FGF13: variants seen among roughly 807,000 people sequenced by gnomAD.
FGF13 encodes the protein fibroblast growth factor homologous factor 2.
In FGF13, 2 loss-of-function variants were observed where a neutral mutation model predicts 19.5. The observed-to-expected ratio is 0.10, with a 90% CI of 0.04 to 0.32. The LOEUF is 0.32. Among genes scored for constraint, FGF13 ranks in the 10% least tolerant of loss-of-function variants. The probability of loss-of-function intolerance (pLI) is 1.00; values close to 1 mark genes in which losing one functional copy is unlikely to be tolerated. For synonymous variants in FGF13, 72 were observed against 76.9 expected (o/e 0.94, Z 0.33); for missense variants, 113 against 192.7 (o/e 0.59, Z 2.45).
chrX:138,776,014 T>C (rs1379736044), intron 3 of FGF13, among the ~76,000 whole-genome samples: 2 of 112,615 alleles, frequency 1.8e-5, no homozygotes, highest in African/African-American at 3.2e-5. Flanking sequence ...GCATACAACA[T>C]AGCAAAATGT....
chrX:138,799,241 G>A (rs1218446581), intron 3 of FGF13, among the ~76,000 whole-genome samples: 2 of 111,916 alleles, frequency 1.8e-5, no homozygotes, highest in Non-Finnish European at 3.8e-5. Context: ...CTGTGTCCCA[G>A]AGATTCTGGA....
chrX:139,159,398 C>T (rs2084008348), intron 1 of FGF13, among the ~76,000 whole-genome samples: 1 of 111,573 alleles, frequency 9.0e-6, no homozygotes, highest in Admixed American at 9.6e-5. Flanking sequence ...AGACCATCAA[C>T]ACTATGAAGA....
intron 4 of FGF13, among the ~76,000 whole-genome samples, 163 bp downstream of exon 4, chrX:138,635,294 G>A (rs1313497446): frequency 4.5e-5 from 5 of 111,476 alleles, no homozygotes; most frequent in Non-Finnish European, 9.4e-5. Context: ...TGGGTACAGT[G>A]TATACTGCTT....
chrX:138,989,485 C>T (rs2092006425), intron 1 of FGF13, among the ~76,000 whole-genome samples: 1 of 111,581 alleles, frequency 9.0e-6, no homozygotes, highest in East Asian at 2.8e-4. Flanking sequence ...TTTAGAAATT[C>T]CCGAGCTAAA....
intron 3 of FGF13, among the ~76,000 whole-genome samples, chrX:138,693,656 T>G (rs371938113): frequency 1.8e-5 from 2 of 112,077 alleles, no homozygotes; most frequent in South Asian, 7.3e-4. Flanking sequence ...TAAGTTTTGA[T>G]AGTAAACACT....
At chrX:138,983,202 G>C (rs1208956454) in intron 1 of FGF13, among the ~76,000 whole-genome samples, 4 of 109,475 alleles carry the variant, frequency 3.7e-5, no homozygotes, top group Non-Finnish European at 5.7e-5. Context: ...AATGTCAAGA[G>C]GCATTTTCCC....
chrX:139,080,752 C>T (rs1038132909), intron 1 of FGF13, among the ~76,000 whole-genome samples: 4 of 111,311 alleles, frequency 3.6e-5, no homozygotes, highest in African/African-American at 1.3e-4. Flanking sequence ...CTTCCCTCTT[C>T]CTTTGTCTCA....
At chrX:138,769,199 A>G (rs1452220908) in intron 3 of FGF13, among the ~76,000 whole-genome samples, 1 of 111,553 alleles carries the variant, frequency 9.0e-6, no homozygotes, top group African/African-American at 3.3e-5. Context: ...TTGAAGATAT[A>G]TTTGTATGGA....
In FGF13 at chrX:138,634,660, A is replaced by G. The variant is rs775533315; in HGVS notation, c.601+797T>C. On this transcript the variant is annotated intron_variant, in intron 4 of 4. Transcript: ENST00000315930. ...TTACTATTTCTAAATGTTCAACATC[A>G]CTAATCATCAGGGAAATGCAAATTA... Among the ~76,000 whole-genome samples, 3 of 112,728 alleles carry G rather than the reference A, an allele frequency of 2.7e-5. No homozygotes were observed. In the East Asian group the frequency reaches 8.4e-4, roughly 31 times the overall value.
intron 1 of FGF13, among the ~76,000 whole-genome samples, chrX:138,951,993 C>T (rs761995245): frequency 7.4e-4 from 82 of 111,445 alleles, no homozygotes; most frequent in African/African-American, 2.6e-3. Flanking sequence ...GTGAAAATGG[C>T]CATACTGCCC....
chrX:138,937,922 C>T (rs1471329270), intron 1 of FGF13, among the ~76,000 whole-genome samples: 1 of 111,337 alleles, frequency 9.0e-6, no homozygotes, highest in Non-Finnish European at 1.9e-5. Flanking sequence ...AGTAGATAAT[C>T]TCACTGGAGC....
At chrX:138,917,093 TAAAG>T (rs749649072) in intron 1 of FGF13, among the ~76,000 whole-genome samples, 93 of 111,123 alleles carry the variant, frequency 8.4e-4, no homozygotes, top group African/African-American at 3.0e-3. Flanking sequence ...AAATGAGAAA[TAAAG>T]AAAAAGAGAG....
intron 1 of FGF13, among the ~76,000 whole-genome samples, chrX:138,932,395 A>G (rs1042432990): frequency 6.3e-5 from 7 of 110,771 alleles, no homozygotes; most frequent in East Asian, 2.9e-4. Context: ...CCTGCCCAAC[A>G]TGGTGAAAAC....
At chrX:139,072,697 T>G (rs1475051690) in intron 1 of FGF13, among the ~76,000 whole-genome samples, 1 of 111,799 alleles carries the variant, frequency 8.9e-6, no homozygotes, top group East Asian at 2.8e-4. Flanking sequence ...ATGTCTAGGT[T>G]TATTTGTTTT....
At chrX:138,720,178 G>A (rs932921204) in intron 1 of FGF13, among the ~76,000 whole-genome samples, 8 of 112,019 alleles carry the variant, frequency 7.1e-5, no homozygotes, top group Admixed American at 6.6e-4. Context: ...AATTTTAAGC[G>A]AAATGACATA....
chrX:139,000,314 T>C (rs1444131978), intron 1 of FGF13, among the ~76,000 whole-genome samples: 2 of 111,779 alleles, frequency 1.8e-5, no homozygotes, highest in Admixed American at 9.5e-5. Context: ...CTATTCAACA[T>C]AGTATTGTAA....
chrX:139,110,817 T>C (rs993419370), intron 1 of FGF13, among the ~76,000 whole-genome samples: 1 of 111,609 alleles, frequency 9.0e-6, no homozygotes, highest in Non-Finnish European at 1.9e-5. Context: ...TGAGAGACAA[T>C]TGCAGTAGCA....
intron 3 of FGF13, among the ~76,000 whole-genome samples, chrX:138,775,677 T>C (rs1031578954): frequency 8.9e-6 from 1 of 112,475 alleles, no homozygotes; most frequent in African/African-American, 3.2e-5. Context: ...TAAGTGGTAA[T>C]GATATATCAC....
At chrX:139,109,664 A>G (rs1375072360) in intron 1 of FGF13, among the ~76,000 whole-genome samples, 3 of 111,753 alleles carry the variant, frequency 2.7e-5, no homozygotes, top group Non-Finnish European at 5.6e-5. Flanking sequence ...ACAGTAGTGA[A>G]TAATGACCAA....
Sources: allele counts gnomAD v4.1 joint callset (sites outside exome capture counted in the v4.1 genomes callset), GRCh38; gene constraint gnomAD v4.1.1; transcripts MANE v1.5; gene names NCBI Gene and HGNC (gene_info 2026-07-23, HGNC 2026-07-21).